TMPRSS9: variants seen among roughly 807,000 people sequenced by gnomAD.
TMPRSS9 encodes transmembrane protease serine 9.
Under a neutral mutation model 111.4 loss-of-function variants are expected in TMPRSS9, and 113 were observed. The observed-to-expected ratio is 1.01, with a 90% CI of 0.87 to 1.19. The LOEUF is 1.19. Among genes scored for constraint, TMPRSS9 ranks in the 50% most tolerant of loss-of-function variants. The pLI, the probability that TMPRSS9 is intolerant of heterozygous loss-of-function variation, is 0.00. For missense variants in TMPRSS9, 1,803 were observed against 1,513.1 expected (o/e 1.19, Z -3.18); for synonymous variants, 805 against 659.1 (o/e 1.22, Z -3.39).
chr19:2,406,892 C>T (rs150953340), intron 7 of TMPRSS9, among the ~76,000 whole-genome samples: 2,620 of 149,704 alleles, frequency 0.018, 82 homozygotes, highest in African/African-American at 0.062. Context: ...CTCCACCTCC[C>T]GGGATCAAGC....
At chr19:2,377,803 T>C (rs117433666) in intron 1 of TMPRSS9, among the ~76,000 whole-genome samples, 13,429 of 139,300 alleles carry the variant, frequency 0.096, 1,303 homozygotes, top group African/African-American at 0.25. Flanking sequence ...GCCTCGACCT[T>C]CCAGGCTCAA....
chr19:2,424,350 T>G, intron 15 of TMPRSS9, 93 bp downstream of exon 16: 19 of 1,229,278 alleles, frequency 1.5e-5, no homozygotes, highest in Non-Finnish European at 1.8e-5. Flanking sequence ...CCCCCTCCTT[T>G]GCCGGGAGTG....
chr19:2,404,301 G>A, intron 6 of TMPRSS9, among the ~76,000 whole-genome samples: 1 of 151,896 alleles, frequency 6.6e-6, no homozygotes, highest in East Asian at 1.9e-4. Flanking sequence ...ATCATTGTCT[G>A]TCTAAAATAA....
At chr19:2,426,185 G>A in exon 18 of TMPRSS9, 1 of 930,004 alleles carries the variant, frequency 1.1e-6, no homozygotes, top group Admixed American at 3.8e-5. Context: ...CCAAGGACGG[G>A]TGTGGGGGGG....
chr19:2,394,243 A>C (rs1970661606), intron 1 of TMPRSS9, among the ~76,000 whole-genome samples: 2 of 92,666 alleles, frequency 2.2e-5, no homozygotes, highest in South Asian at 4.7e-4. Context: ...GCCAGGCGTG[A>C]TAGTGGGCGC....
chr19:2,368,300 G>C (rs1308223568), intron 1 of TMPRSS9, among the ~76,000 whole-genome samples: 1 of 151,366 alleles, frequency 6.6e-6, no homozygotes, highest in Non-Finnish European at 1.5e-5. Flanking sequence ...ACTCCCATGG[G>C]TGCAGTTTGC....
rs1599279328 is a variant in TMPRSS9, at chr19:2,381,227, A to G, written c.-25-8534A>G. ...ATGGCGCTTCTATGTTTGATGCTAA[A>G]TAGCTGTGGAGTTCTTTCTGTGAAC... On this transcript the variant is annotated intron_variant, in intron 1 of 17. Coordinates refer to the TMPRSS9 transcript ENST00000649857. 2.0e-5 allele frequency among the ~76,000 whole-genome samples: 3 copies of G among 152,198 alleles called. No homozygotes were observed. In the South Asian group the frequency reaches 6.2e-4, roughly 32 times the overall value.
At chr19:2,389,522 A>C (rs1480844727), upstream of TMPRSS9, among the ~76,000 whole-genome samples, 2 of 151,758 alleles carry the variant, frequency 1.3e-5, 1 homozygote, top group South Asian at 4.2e-4. Flanking sequence ...GTGTGCACCA[A>C]CATGCCTGGC....
intron 1 of TMPRSS9, among the ~76,000 whole-genome samples, chr19:2,365,446 G>A (rs757606345): frequency 6.6e-5 from 10 of 152,092 alleles, no homozygotes; most frequent in Admixed American, 2.6e-4. Flanking sequence ...CTAGATTCAG[G>A]CCTGAGGACA....
intron 1 of TMPRSS9, among the ~76,000 whole-genome samples, chr19:2,378,316 G>A (rs1408246833): frequency 6.6e-6 from 1 of 152,174 alleles, no homozygotes; most frequent in Non-Finnish European, 1.5e-5. Context: ...GGTTTCCTGA[G>A]ACATGAGACT....
upstream of TMPRSS9, among the ~76,000 whole-genome samples, chr19:2,385,654 C>A (rs1970462556): frequency 6.6e-6 from 1 of 151,894 alleles, no homozygotes; most frequent in African/African-American, 2.4e-5. Flanking sequence ...GAGTTCAAGG[C>A]CAGACTGGAC....
intron 17 of TMPRSS9, 36 bp from the exon 19 acceptor site, chr19:2,425,891 C>G (rs748173774): frequency 6.4e-7 from 1 of 1,554,426 alleles, no homozygotes; most frequent in Non-Finnish European, 8.6e-7. Flanking sequence ...AGGGGAGGTA[C>G]CGGCCTCTGA....
intron 7 of TMPRSS9, among the ~76,000 whole-genome samples, chr19:2,407,320 G>C (rs57071262): frequency 3.6e-4 from 54 of 151,404 alleles, no homozygotes; most frequent in African/African-American, 1.3e-3. Flanking sequence ...TCAGGAGTTT[G>C]AGACCAGCCT....
At chr19:2,372,923 G>C (rs1978143) in intron 1 of TMPRSS9, among the ~76,000 whole-genome samples, 32,085 of 151,956 alleles carry the variant, frequency 0.21, 5,733 homozygotes, top group African/African-American at 0.48. Flanking sequence ...CCTTGACCTC[G>C]TGGGGACAAG....
exon 17 of TMPRSS9, chr19:2,425,490 C>T (rs1312180547): frequency 1.3e-6 from 2 of 1,579,216 alleles, no homozygotes; most frequent in East Asian, 4.6e-5. Flanking sequence ...TGGACAGCTG[C>T]TCGGTGAGCC....
At position 2,408,562 on chromosome 19, in the gene TMPRSS9, CCA is replaced by C. The variant is rs1658540187; in HGVS notation, c.1056_1057del (p.Ile353LeufsTer49). 3.7e-6 allele frequency: 6 copies of C among 1,613,588 alleles called. No homozygotes were observed. Among genetic ancestry groups the C allele is most frequent in the Non-Finnish European group, 5.1e-6 (6 of 1,180,024 alleles). On this transcript the variant is annotated frameshift_variant, in exon 8 of 18. Transcript: ENST00000648592. LOFTEE classifies it high-confidence loss of function. ...ATCCAGCCCGTGTGCCTCCCGGCTG[CCA>C]CACACATCTTCCCACCCAGCAAGAA...
At chr19:2,362,825 G>A (rs1461805024) in intron 1 of TMPRSS9, among the ~76,000 whole-genome samples, 3 of 151,596 alleles carry the variant, frequency 2.0e-5, no homozygotes. Context: ...TGTGTGAGGT[G>A]TGTTTTGTGA....
intron 1 of TMPRSS9, among the ~76,000 whole-genome samples, chr19:2,382,688 T>C (rs925654231): frequency 2.1e-5 from 3 of 145,150 alleles, no homozygotes; most frequent in East Asian, 4.1e-4. Flanking sequence ...CATACACACA[T>C]GCACACATGC....
intron 1 of TMPRSS9, among the ~76,000 whole-genome samples, chr19:2,381,235 G>A (rs1193207621): frequency 6.6e-6 from 1 of 152,002 alleles, no homozygotes; most frequent in African/African-American, 2.4e-5. Flanking sequence ...AAATAGCTGT[G>A]GAGTTCTTTC....
Sources: allele counts gnomAD v4.1 joint callset (sites outside exome capture counted in the v4.1 genomes callset), GRCh38; gene constraint gnomAD v4.1.1; transcripts MANE v1.5; gene names NCBI Gene and HGNC (gene_info 2026-07-23, HGNC 2026-07-21).